Variants in EFCAB8 observed in about 807,000 individuals in gnomAD.
EFCAB8 encodes EF-hand calcium-binding domain-containing protein 8.
Under a neutral mutation model 116.3 loss-of-function variants are expected in EFCAB8, and 100 were observed. The observed-to-expected ratio is 0.86, with a 90% CI of 0.73 to 1.02. The LOEUF is 1.02. EFCAB8 is among the 50% of genes least tolerant of loss of function. The probability of loss-of-function intolerance (pLI) is 0.00; values close to 1 mark genes in which losing one functional copy is unlikely to be tolerated. For synonymous variants in EFCAB8, 558 were observed against 567.9 expected (o/e 0.98, Z 0.25); for missense variants, 1,320 against 1,416.9 (o/e 0.93, Z 1.10).
chr20:32,935,075 T>C (rs910119755), intron 22 of EFCAB8, among the ~76,000 whole-genome samples: 1 of 152,078 alleles, frequency 6.6e-6, no homozygotes, highest in Admixed American at 6.6e-5. Flanking sequence ...TGATTAGTGG[T>C]GCTCAGCATT....
rs373658242 is a variant in EFCAB8 at position 32,946,113 on chromosome 20, G to C, written c.2959+2309G>C. ...TTTTCTCTACTCATTCCACAGAGCG[G>C]CAGGAGGGACTCTGATAGTGTGTGC... On this transcript the variant is annotated intron_variant, in intron 23 of 26. Coordinates refer to ENST00000400522, the MANE Select transcript of EFCAB8 (RefSeq NM_001143967.2). 2.6e-5 allele frequency among the ~76,000 whole-genome samples: 4 copies of C among 152,370 alleles called. No individual in the cohort carries two copies. The South Asian group carries it at 6.2e-4, about 24-fold the overall frequency.
At chr20:32,960,300 GC>G in intron 26 of EFCAB8, 139 bp downstream of exon 26, 1 of 830,350 alleles carries the variant, frequency 1.2e-6, no homozygotes, top group Non-Finnish European at 1.9e-6. Context: ...AGGATTCTGG[GC>G]CATGGACAGG....
intron 23 of EFCAB8, among the ~76,000 whole-genome samples, chr20:32,945,643 T>C (rs1988572969): frequency 6.6e-6 from 1 of 152,176 alleles, no homozygotes; most frequent in African/African-American, 2.4e-5. Context: ...GGGCCATGCT[T>C]TCCTATTTTT....
At chr20:32,886,491 A>G (rs1985639094) in intron 6 of EFCAB8, among the ~76,000 whole-genome samples, 1 of 152,178 alleles carries the variant, frequency 6.6e-6, no homozygotes, top group Admixed American at 6.5e-5. Flanking sequence ...GAGCCTGTGT[A>G]ACTGCAGAGT....
At chr20:32,958,691 A>C (rs1989048264) in intron 24 of EFCAB8, 141 bp downstream of exon 24, 6 of 394,796 alleles carry the variant, frequency 1.5e-5, no homozygotes, top group Non-Finnish European at 2.2e-5. Flanking sequence ...CAGAGGCTTG[A>C]GGGTTGCAGG....
chr20:32,943,531 C>A, intron 22 of EFCAB8, 105 bp from the exon 23 acceptor site: 1 of 415,710 alleles, frequency 2.4e-6, no homozygotes, highest in East Asian at 3.6e-5. Context: ...GCCTGTGTCC[C>A]AGGGCCCTTC....
chr20:32,876,113 G>C (rs1355811154), intron 4 of EFCAB8, 69 bp downstream of exon 4: 1 of 1,358,400 alleles, frequency 7.4e-7, no homozygotes, highest in South Asian at 1.3e-5. Flanking sequence ...TGACCAGTTG[G>C]TGGGGCTGAA....
intron 23 of EFCAB8, among the ~76,000 whole-genome samples, chr20:32,957,582 C>T (rs965738916): frequency 5.3e-5 from 8 of 152,262 alleles, no homozygotes; most frequent in South Asian, 2.1e-4. Flanking sequence ...TGATCTCATT[C>T]GGCTTTTCTA....
At chr20:32,885,234 G>T (rs1161139196) in intron 5 of EFCAB8, among the ~76,000 whole-genome samples, 1 of 152,172 alleles carries the variant, frequency 6.6e-6, no homozygotes, top group South Asian at 2.1e-4. Context: ...TGGCTACTTC[G>T]CAGGATAAGC....
chr20:32,893,351 G>A, intron 9 of EFCAB8, 53 bp downstream of exon 9: 2 of 1,546,888 alleles, frequency 1.3e-6, no homozygotes, highest in Non-Finnish European at 1.7e-6. Flanking sequence ...CCTAGATGTG[G>A]GTGCTGAGGT....
intron 5 of EFCAB8, among the ~76,000 whole-genome samples, chr20:32,881,657 G>A (rs772811255): frequency 1.3e-5 from 2 of 152,022 alleles, no homozygotes; most frequent in African/African-American, 4.8e-5. Flanking sequence ...AAGGGACATC[G>A]GGTTCAGCCA....
intron 9 of EFCAB8, among the ~76,000 whole-genome samples, chr20:32,896,049 G>C (rs1009473275): frequency 6.6e-6 from 1 of 152,166 alleles, no homozygotes; most frequent in Non-Finnish European, 1.5e-5. Context: ...TGTAGTTTGA[G>C]GCATGATGGC....
At chr20:32,903,969 G>T (rs1459888331) in intron 11 of EFCAB8, among the ~76,000 whole-genome samples, 2 of 152,158 alleles carry the variant, frequency 1.3e-5, no homozygotes, top group African/African-American at 4.8e-5. Context: ...GGCATACTGT[G>T]TCAGGGGGTC....
At position 32,885,533 on chromosome 20, in the gene EFCAB8, GTGT is replaced by G; in HGVS notation, c.462_464del (p.Phe155del). ...CCATGGCTGTGAGGTGGTGAAGGTG[GTGT>G]TTTTAATCCACCGGTTCAAGAAGAT... On this transcript the variant is annotated inframe_deletion, in exon 6 of 27. Transcript: ENST00000400522. 1 of 1,551,760 alleles carries G rather than the reference GTGT, an allele frequency of 6.4e-7. No individual in the cohort carries two copies. The highest frequency in any genetic ancestry group is 8.7e-7 in the Non-Finnish European group (1 of 1,147,016).
At chr20:32,910,659 G>A (rs1217527527) in intron 15 of EFCAB8, among the ~76,000 whole-genome samples, 2 of 149,432 alleles carry the variant, frequency 1.3e-5, no homozygotes, top group African/African-American at 4.9e-5. Flanking sequence ...AAAAAAGTTT[G>A]TTTAAAATTT....
At chr20:32,878,393 T>C (rs1985102245) in intron 4 of EFCAB8, among the ~76,000 whole-genome samples, 2 of 151,596 alleles carry the variant, frequency 1.3e-5, no homozygotes, top group African/African-American at 4.8e-5. Context: ...AAAGAGCAGG[T>C]CTGTTGCTTG....
intron 9 of EFCAB8, among the ~76,000 whole-genome samples, chr20:32,895,358 T>C (rs1162688682): frequency 6.7e-6 from 1 of 148,720 alleles, no homozygotes; most frequent in African/African-American, 2.5e-5. Flanking sequence ...AAGGTCATAC[T>C]CTGTTGCCCA....
At chr20:32,918,739 C>T (rs1987319410) in intron 19 of EFCAB8, among the ~76,000 whole-genome samples, 165 bp downstream of exon 19, 1 of 152,220 alleles carries the variant, frequency 6.6e-6, no homozygotes. Flanking sequence ...AGGGCACCCT[C>T]TGGTTTTAGT....
At chr20:32,949,174 G>T (rs141681949) in intron 23 of EFCAB8, among the ~76,000 whole-genome samples, 15 of 152,198 alleles carry the variant, frequency 9.9e-5, no homozygotes, top group African/African-American at 3.6e-4. Flanking sequence ...CTATATACTA[G>T]CAATGAACAG....
Sources: allele counts gnomAD v4.1 joint callset (sites outside exome capture counted in the v4.1 genomes callset), GRCh38; gene constraint gnomAD v4.1.1; transcripts MANE v1.5; gene names NCBI Gene and HGNC (gene_info 2026-07-23, HGNC 2026-07-21).